Variants in ICAM2 observed in about 807,000 individuals in gnomAD.
The protein encoded by ICAM2 is ICAM-2.
A neutral mutation model predicts 19.1 loss-of-function variants in ICAM2; 14 were observed. That is an observed-to-expected ratio of 0.73 (90% CI 0.48 to 1.15). The LOEUF (loss-of-function observed/expected upper bound fraction) is 1.15. Ranked by LOEUF, ICAM2 falls within the 50% of genes most tolerant of loss-of-function variation. ICAM2 has a pLI of 0.00. For missense variants in ICAM2, 311 were observed against 355.4 expected, an observed-to-expected ratio of 0.88 and a Z score of 1.00; for synonymous variants, 153 against 152.7, an observed-to-expected ratio of 1.00 and a Z score of -0.01.
At chr17:64,003,595 G>A (rs1246073914) in intron 4 of ICAM2, 49 bp downstream of exon 4, 2 of 1,549,262 alleles carry the variant, frequency 1.3e-6, no homozygotes, top group East Asian at 2.3e-5. Flanking sequence ...CCCCCGAGGG[G>A]CTGAAAGTGA....
chr17:64,005,488 T>C lies in ICAM2; in HGVS notation c.62-115A>G, dbSNP rs9890839. ...GTCAGGGACTGAAGAGGAAAGGTCA[T>C]TGGGGACCCCGCTGCTACTTTCCCC... On this transcript the variant is annotated intron_variant, in intron 2 of 4. Coordinates refer to ENST00000579788, the MANE Select transcript of ICAM2 (RefSeq NM_001099789.2). 1,499 of 1,188,590 alleles carry C rather than the reference T, an allele frequency of 1.3e-3. 15 individuals are homozygous for C. The African/African-American group carries it at 0.019, about 15-fold the overall frequency. The allele number at this position is 1,188,590 out of a possible 1,614,324, so 73.6% of individuals were successfully genotyped here.
intron 1 of ICAM2, among the ~76,000 whole-genome samples, chr17:64,007,384 T>A (rs1040558889): frequency 5.9e-5 from 9 of 152,092 alleles, no homozygotes; most frequent in Admixed American, 4.6e-4. Context: ...TGCCTCAGCC[T>A]CCAGAGTAGC....
At chr17:64,012,280 T>G (rs1037185900) in intron 1 of ICAM2, among the ~76,000 whole-genome samples, 1 of 152,220 alleles carries the variant, frequency 6.6e-6, no homozygotes, top group African/African-American at 2.4e-5. Flanking sequence ...CTGGACAACA[T>G]AGTGAGACCC....
intron 1 of ICAM2, among the ~76,000 whole-genome samples, chr17:64,017,281 A>G (rs1911752640): frequency 6.6e-6 from 1 of 152,260 alleles, no homozygotes; most frequent in African/African-American, 2.4e-5. Flanking sequence ...TAAAAGATCA[A>G]TATTCAAAAA....
intron 1 of ICAM2, among the ~76,000 whole-genome samples, chr17:64,010,519 A>T (rs1046976147): frequency 5.7e-5 from 8 of 141,390 alleles, no homozygotes; most frequent in Non-Finnish European, 9.2e-5. Flanking sequence ...TAATCCAGTG[A>T]CTTTCCTCTC....
At chr17:64,004,513 C>G (rs561467106) in intron 3 of ICAM2, 1 of 173,058 alleles carries the variant, frequency 5.8e-6, no homozygotes, top group Non-Finnish European at 1.3e-5. Flanking sequence ...CTTCCACTCA[C>G]CCCACCTCCC....
chr17:64,005,495 C>T, intron 2 of ICAM2, 122 bp from the exon 3 acceptor site: 5 of 1,093,650 alleles, frequency 4.6e-6, no homozygotes, highest in Admixed American at 5.1e-5. Context: ...TCATTGGGGA[C>T]CCCGCTGCTA....
chr17:64,010,540 G>GA (rs58057567), intron 1 of ICAM2, among the ~76,000 whole-genome samples: 127,039 of 144,672 alleles, frequency 0.88, 56,358 homozygotes, highest in East Asian at 0.98. Flanking sequence ...TTGTTTGAAA[G>GA]AAAAAAAAAA....
At chr17:64,014,492 A>AAAGG (rs1162322974) in intron 1 of ICAM2, among the ~76,000 whole-genome samples, 9 of 147,764 alleles carry the variant, frequency 6.1e-5, no homozygotes, top group Middle Eastern at 3.4e-3. Flanking sequence ...AGAAAGAAAG[A>AAAGG]AAGGAAGGAA....
At chr17:64,008,412 TA>T (rs552331503) in intron 1 of ICAM2, among the ~76,000 whole-genome samples, 3 of 152,172 alleles carry the variant, frequency 2.0e-5, no homozygotes, top group Non-Finnish European at 4.4e-5. Context: ...GTCAGAATAA[TA>T]ATAACAATAA....
intron 1 of ICAM2, among the ~76,000 whole-genome samples, chr17:64,009,967 C>T (rs116960479): frequency 0.011 from 1,701 of 152,310 alleles, 10 homozygotes; most frequent in Non-Finnish European, 0.018. Flanking sequence ...GAGGAGCTGA[C>T]TCACAAAAGA....
chr17:64,018,332 T>TAAAAAAAAA (rs1314230274), intron 1 of ICAM2, among the ~76,000 whole-genome samples: 1 of 6,302 alleles, frequency 1.6e-4, no homozygotes, highest in Non-Finnish European at 5.2e-4. Context: ...AGACTCTATC[T>TAAAAAAAAA]CAAAAAAAAA....
Position 64,002,748 on chromosome 17 carries a change from T to C in ICAM2, c.827A>G (p.Ter276TrpextTer3). 6.2e-7 allele frequency: 1 copy of C among 1,610,770 alleles called. No individual in the cohort carries two copies. Among genetic ancestry groups the C allele is most frequent in the Non-Finnish European group, 8.5e-7 (1 of 1,179,424 alleles). The change falls in exon 5 of 5, where the codon TAG (stop) becomes TGG (tryptophan). Residue 276 changes from the stop codon to tryptophan, a stop_lost. Transcript: ENST00000579788. The stretch of plus-strand genomic sequence containing the variant: ...TGGTGGCCATGCCACTCATGGTTGC[T>C]ATGGCCGGAAGGCCTGGGGCAGCCT... The part of the protein sequence containing the change: ...WRRLPQAFRP[*>W]
At chr17:64,020,208 A>G (rs1911893787) in intron 1 of ICAM2, among the ~76,000 whole-genome samples, 1 of 151,664 alleles carries the variant, frequency 6.6e-6, no homozygotes. Flanking sequence ...GGGCCCCTAA[A>G]TAAGGAGGCA....
chr17:64,009,107 T>C (rs116219160), intron 1 of ICAM2, among the ~76,000 whole-genome samples: 3,342 of 152,164 alleles, frequency 0.022, 109 homozygotes, highest in African/African-American at 0.076. Flanking sequence ...CCATCAACAG[T>C]GAGGGCAGAA....
At chr17:64,006,878 T>C (rs1007310836) in intron 1 of ICAM2, 143 bp from the exon 2 acceptor site, 4 of 604,898 alleles carry the variant, frequency 6.6e-6, no homozygotes, top group Non-Finnish European at 1.2e-5. Context: ...CCCAGGCCTC[T>C]AAGAATCCAG....
At chr17:64,019,622 T>G (rs1481695711) in intron 1 of ICAM2, among the ~76,000 whole-genome samples, 1 of 152,018 alleles carries the variant, frequency 6.6e-6, no homozygotes, top group Admixed American at 6.6e-5. Flanking sequence ...GAGACTCTCC[T>G]GGCCAACATA....
intron 1 of ICAM2, among the ~76,000 whole-genome samples, chr17:64,010,563 A>C (rs1038193839): frequency 6.6e-6 from 1 of 152,036 alleles, no homozygotes; most frequent in African/African-American, 2.4e-5. Flanking sequence ...AACTATTAGA[A>C]TTGTGTACCC....
chr17:64,012,226 G>A (rs1439840198), intron 1 of ICAM2, among the ~76,000 whole-genome samples: 1 of 152,158 alleles, frequency 6.6e-6, no homozygotes, highest in African/African-American at 2.4e-5. Context: ...ACTTTGGGAG[G>A]TTGAGGCAGG....
Sources: gnomAD v4.1 joint callset for allele counts (sites outside exome capture counted in the v4.1 genomes callset) on GRCh38, gnomAD v4.1.1 for gene constraint, MANE v1.5 for transcripts, NCBI Gene and HGNC (gene_info 2026-07-23, HGNC 2026-07-21) for gene names.